KCNMA1: variants seen among roughly 807,000 people sequenced by gnomAD.
The protein encoded by KCNMA1 is potassium calcium-activated channel subfamily M alpha 1.
KCNMA1 carries 29 observed loss-of-function variants against 140.0 expected under a neutral mutation model. The observed-to-expected ratio is 0.21, with a 90% CI of 0.15 to 0.28. KCNMA1 has a LOEUF of 0.28. Among genes scored for constraint, KCNMA1 ranks in the 10% least tolerant of loss-of-function variants. The pLI is 1.00. For missense variants in KCNMA1, 880 were observed against 1,602.2 expected (o/e 0.55, Z 7.70); for synonymous variants, 612 against 611.9 (o/e 1.00, Z 0.00).
At chr10:77,592,444 T>A (rs2619615) in intron 1 of KCNMA1, among the ~76,000 whole-genome samples, 139,094 of 152,116 alleles carry the variant, frequency 0.91, 63,741 homozygotes, top group South Asian at 0.97. Flanking sequence ...AACTTGTTCT[T>A]TTCTATAGTG....
At chr10:76,996,930 TA>T (rs2084561491) in intron 19 of KCNMA1, among the ~76,000 whole-genome samples, 2 of 152,192 alleles carry the variant, frequency 1.3e-5, no homozygotes, top group Admixed American at 1.3e-4. Flanking sequence ...TGTAGCTTAT[TA>T]AATTAACTCT....
chr10:76,956,331 T>C (rs1287436091), intron 20 of KCNMA1, among the ~76,000 whole-genome samples: 1 of 152,128 alleles, frequency 6.6e-6, no homozygotes, highest in African/African-American at 2.4e-5. Context: ...GCTCAAGCCA[T>C]GGTTTGCAAT....
At chr10:77,364,788 A>T (rs2094233874) in intron 2 of KCNMA1, among the ~76,000 whole-genome samples, 1 of 152,182 alleles carries the variant, frequency 6.6e-6, no homozygotes, top group Non-Finnish European at 1.5e-5. Context: ...CCAGAGTGGC[A>T]TCCTCCTCCT....
intron 1 of KCNMA1, among the ~76,000 whole-genome samples, chr10:77,550,669 G>A (rs538854414): frequency 1.1e-3 from 171 of 152,320 alleles, no homozygotes; most frequent in African/African-American, 4.0e-3. Flanking sequence ...GCAAGGCTTG[G>A]GGGAGTGGCA....
At chr10:77,157,298 C>T (rs1813352113) in intron 5 of KCNMA1, among the ~76,000 whole-genome samples, 4 of 152,162 alleles carry the variant, frequency 2.6e-5, no homozygotes, top group Non-Finnish European at 4.4e-5. Flanking sequence ...AAAAATTAGC[C>T]GGGCATGGTG....
chr10:77,622,087 T>C (rs2091548980), intron 1 of KCNMA1, among the ~76,000 whole-genome samples: 1 of 152,170 alleles, frequency 6.6e-6, no homozygotes, highest in Non-Finnish European at 1.5e-5. Context: ...CCTGCATGAC[T>C]GTATATAGCC....
chr10:77,051,446 GT>G (rs1213140978), intron 14 of KCNMA1, among the ~76,000 whole-genome samples: 3 of 152,192 alleles, frequency 2.0e-5, no homozygotes, highest in African/African-American at 7.2e-5. Context: ...CAGCTTTATT[GT>G]GTATTCATTG....
At chr10:77,546,426 A>G (rs1422592011) in intron 1 of KCNMA1, among the ~76,000 whole-genome samples, 1 of 151,486 alleles carries the variant, frequency 6.6e-6, no homozygotes, top group Non-Finnish European at 1.5e-5. Flanking sequence ...CAGCACAGAT[A>G]TAGGGGCCTT....
chr10:76,872,279 G>C (rs917579680), downstream of KCNMA1: 8 of 152,218 alleles, frequency 5.3e-5, no homozygotes, highest in Non-Finnish European at 2.9e-5. Context: ...AAAGCAAAAT[G>C]TGTGAGGAAG....
chr10:77,324,969 CTCTGTGTGTGTGTGTG>C (rs1415438401), intron 2 of KCNMA1, among the ~76,000 whole-genome samples: 6 of 95,086 alleles, frequency 6.3e-5, no homozygotes, highest in Admixed American at 4.3e-4. Flanking sequence ...CTCTCTCTCT[CTCTGTGTGTGTGTGTG>C]TGTGTGTGTG....
chr10:77,352,621 G>GGTGTGT (rs10555644), intron 2 of KCNMA1, among the ~76,000 whole-genome samples: 14 of 145,112 alleles, frequency 9.6e-5, no homozygotes, highest in South Asian at 4.4e-4. Context: ...TGCAGTACAG[G>GGTGTGT]GTGTGTGTGT....
chr10:77,554,137 A>G (rs903580733), intron 1 of KCNMA1, among the ~76,000 whole-genome samples: 3 of 152,196 alleles, frequency 2.0e-5, no homozygotes, highest in Non-Finnish European at 4.4e-5. Context: ...GTAACAAGCC[A>G]AGCCGGACTG....
intron 2 of KCNMA1, among the ~76,000 whole-genome samples, chr10:77,368,229 G>A (rs910213898): frequency 1.1e-4 from 16 of 152,122 alleles, no homozygotes; most frequent in African/African-American, 3.9e-4. Flanking sequence ...TTTTATTTCA[G>A]CCATTATAAT....
chr10:77,559,027 A>G (rs2065461351), intron 1 of KCNMA1, among the ~76,000 whole-genome samples: 2 of 152,150 alleles, frequency 1.3e-5, no homozygotes, highest in Admixed American at 6.5e-5. Flanking sequence ...TGACTGGCTC[A>G]GCCCCAGAAG....
chr10:77,298,426 G>T (rs1361660190), intron 2 of KCNMA1, among the ~76,000 whole-genome samples: 3 of 152,114 alleles, frequency 2.0e-5, no homozygotes, highest in Admixed American at 2.0e-4. Context: ...ACTTTTAGCA[G>T]AGACAGGGTT....
At chr10:77,588,728 GC>G (rs1453047360) in intron 1 of KCNMA1, among the ~76,000 whole-genome samples, 1 of 152,242 alleles carries the variant, frequency 6.6e-6, no homozygotes, top group Non-Finnish European at 1.5e-5. Context: ...GAAAACTGGA[GC>G]ACAAAGTGGC....
At chr10:77,382,994 G>GTATA (rs544257955) in intron 2 of KCNMA1, among the ~76,000 whole-genome samples, 35 of 46,420 alleles carry the variant, frequency 7.5e-4, no homozygotes, top group East Asian at 1.8e-3. Context: ...GTGTGTGTGT[G>GTATA]TATATATATA....
intron 3 of KCNMA1, among the ~76,000 whole-genome samples, chr10:77,236,913 G>A (rs2055689941): frequency 6.6e-6 from 1 of 152,188 alleles, no homozygotes; most frequent in South Asian, 2.1e-4. Context: ...CTGAGTAGCT[G>A]GGATTATAGG....
chr10:76,937,735 A>C (rs1039462859), intron 23 of KCNMA1, among the ~76,000 whole-genome samples: 2 of 152,180 alleles, frequency 1.3e-5, no homozygotes, highest in African/African-American at 2.4e-5. Flanking sequence ...AATTAATGCT[A>C]TCTCTCCAAG....
Sources: allele counts gnomAD v4.1 joint callset (sites outside exome capture counted in the v4.1 genomes callset), GRCh38; gene constraint gnomAD v4.1.1; transcripts MANE v1.5; gene names NCBI Gene and HGNC (gene_info 2026-07-23, HGNC 2026-07-21).